Variants in NXNL2 observed in about 807,000 individuals in gnomAD.
NXNL2 encodes nucleoredoxin-like protein 2.
NXNL2 carries 7 observed loss-of-function variants against 11.1 expected under a neutral mutation model. The ratio of observed to expected loss-of-function variants is 0.63; its 90% CI spans 0.36 to 1.18. The LOEUF is 1.18. Among genes scored for constraint, NXNL2 ranks in the 50% most tolerant of loss-of-function variants. NXNL2 has a pLI of 0.02. For synonymous variants in NXNL2, 109 were observed against 101.8 expected, an observed-to-expected ratio of 1.07 and a Z score of -0.42; for missense variants, 233 against 217.7, an observed-to-expected ratio of 1.07 and a Z score of -0.44.
downstream of NXNL2, among the ~76,000 whole-genome samples, chr9:88,549,535 G>A (rs544673183): frequency 6.6e-6 from 1 of 152,324 alleles, no homozygotes; most frequent in Non-Finnish European, 1.5e-5. Flanking sequence ...CTTTCCTTCA[G>A]TGATTTGAAG....
At chr9:88,552,521 G>A (rs1473213990) in intron 1 of NXNL2, among the ~76,000 whole-genome samples, 1 of 145,436 alleles carries the variant, frequency 6.9e-6, no homozygotes, top group Non-Finnish European at 1.5e-5. Flanking sequence ...CACCCAGGCT[G>A]GAGTGCAATG....
In NXNL2 at chr9:88,536,734, C is replaced by T. The variant is rs539361137; in HGVS notation, c.302+998C>T. Among the ~76,000 whole-genome samples, 3 of 152,288 alleles carry T rather than the reference C, an allele frequency of 2.0e-5. No individual in the cohort carries two copies. The South Asian group carries it at 6.2e-4, about 32-fold the overall frequency. On this transcript the variant is annotated intron_variant, in intron 1 of 1. Transcript: ENST00000375854. ...AGATGAGTAATTAATGGGAAGAAAT[C>T]TAATTATTCCCCCAAACATGATTTT...
At chr9:88,556,091 A>G (rs1233198701) in intron 1 of NXNL2, among the ~76,000 whole-genome samples, 1 of 152,206 alleles carries the variant, frequency 6.6e-6, no homozygotes, top group Non-Finnish European at 1.5e-5. Context: ...CGGGTGTTAC[A>G]GTGGGTCACA....
intron 1 of NXNL2, among the ~76,000 whole-genome samples, chr9:88,581,369 A>C (rs1789809685): frequency 6.6e-6 from 1 of 152,178 alleles, no homozygotes; most frequent in African/African-American, 2.4e-5. Flanking sequence ...GACAAAGGCA[A>C]TGCTACCACT....
At chr9:88,541,715 C>T (rs1829765592) in intron 1 of NXNL2, among the ~76,000 whole-genome samples, 1 of 152,072 alleles carries the variant, frequency 6.6e-6, no homozygotes, top group African/African-American at 2.4e-5. Context: ...TGTGTTTGTG[C>T]CATCCTTATT....
At position 88,544,699 on chromosome 9, in the gene NXNL2, T is replaced by G; in HGVS notation, c.*152T>G. 2.8e-6 allele frequency: 4 copies of G among 1,412,854 alleles called. No individual in the cohort carries two copies. The highest frequency in any genetic ancestry group is 3.7e-6 in the Non-Finnish European group (4 of 1,085,764). The allele number at this position is 1,412,854 out of a possible 1,614,324, so 87.5% of individuals were successfully genotyped here. A position where few individuals can be genotyped will look rare whatever the true frequency, so the allele number is the denominator to read the frequency against. On this transcript the variant is annotated 3_prime_UTR_variant, in exon 2 of 2. Coordinates refer to ENST00000375854, the MANE Select transcript of NXNL2 (RefSeq NM_001161625.2). ...TAAGCTGTGGTCAAAAAGCAACTAT[T>G]GCTCAGGAAATAATACACTCCATAT... is the stretch of plus-strand genomic sequence containing the variant.
chr9:88,553,055 T>C (rs1829963369), intron 1 of NXNL2, among the ~76,000 whole-genome samples: 1 of 152,204 alleles, frequency 6.6e-6, no homozygotes, highest in Admixed American at 6.5e-5. Flanking sequence ...TATAATCTAA[T>C]GTCCCATGGG....
At chr9:88,563,481 A>C (rs1232601113) in intron 1 of NXNL2, among the ~76,000 whole-genome samples, 2 of 151,370 alleles carry the variant, frequency 1.3e-5, no homozygotes, top group Non-Finnish European at 2.9e-5. Context: ...GCCCACTCCC[A>C]CCCTCCTTGC....
chr9:88,565,790 G>A (rs1830161769), intron 1 of NXNL2, among the ~76,000 whole-genome samples: 2 of 152,130 alleles, frequency 1.3e-5, no homozygotes, highest in Non-Finnish European at 2.9e-5. Context: ...ACCCACCTTG[G>A]TCTCCCAAAG....
exon 2 of NXNL2, chr9:88,571,170 A>T: frequency 6.0e-6 from 2 of 333,258 alleles, no homozygotes; most frequent in Non-Finnish European, 1.2e-5. Flanking sequence ...GGTTCAAGTG[A>T]TTCTCTAGCC....
chr9:88,583,263 G>A (rs1564079957), intron 1 of NXNL2, among the ~76,000 whole-genome samples: 1 of 152,260 alleles, frequency 6.6e-6, no homozygotes, highest in African/African-American at 2.4e-5. Context: ...GCCCTAATGC[G>A]TGGCATGCTC....
chr9:88,559,512 C>T (rs1382535386), intron 1 of NXNL2, among the ~76,000 whole-genome samples: 1 of 152,154 alleles, frequency 6.6e-6, no homozygotes, highest in Non-Finnish European at 1.5e-5. Context: ...AAAGGGCTTC[C>T]TCGCTACCAA....
chr9:88,540,397 C>T lies in NXNL2; in HGVS notation c.303-3982C>T, dbSNP rs1829728963. Among the ~76,000 whole-genome samples, 3 of 151,908 alleles carry T rather than the reference C, an allele frequency of 2.0e-5. No homozygotes were observed. In the South Asian group the frequency reaches 6.2e-4, roughly 32 times the overall value. On this transcript the variant is annotated intron_variant, in intron 1 of 1. Transcript: ENST00000375854. ...ATGCTAGAGAGGGACATCTCTGCCA[C>T]ATCTTTCATGCTGACTGCTGTGGTT...
chr9:88,556,262 G>C (rs1407288317), intron 1 of NXNL2, among the ~76,000 whole-genome samples: 1 of 152,178 alleles, frequency 6.6e-6, no homozygotes, highest in Admixed American at 6.5e-5. Context: ...ACATGGGGAG[G>C]CCACCTGGCA....
At chr9:88,564,307 A>G (rs974593136) in intron 1 of NXNL2, among the ~76,000 whole-genome samples, 1 of 150,226 alleles carries the variant, frequency 6.7e-6, no homozygotes, top group Non-Finnish European at 1.5e-5. Flanking sequence ...CTATCTATCT[A>G]TCTATCTATC....
At chr9:88,570,182 G>A (rs1830239641) in intron 1 of NXNL2, among the ~76,000 whole-genome samples, 1 of 152,032 alleles carries the variant, frequency 6.6e-6, no homozygotes, top group African/African-American at 2.4e-5. Flanking sequence ...GCAGGGGTGT[G>A]ATCTCAGCCC....
chr9:88,566,321 G>A (rs1830169954), intron 1 of NXNL2, among the ~76,000 whole-genome samples: 2 of 151,214 alleles, frequency 1.3e-5, no homozygotes, highest in Admixed American at 1.3e-4. Context: ...TTGAGATGGA[G>A]TCTTGGTCTG....
chr9:88,540,236 G>A (rs1829722777), intron 1 of NXNL2, among the ~76,000 whole-genome samples: 1 of 151,912 alleles, frequency 6.6e-6, no homozygotes. Flanking sequence ...GGAGGCTGAG[G>A]CAGGAGAATG....
At chr9:88,552,741 T>C (rs1003504285) in intron 1 of NXNL2, among the ~76,000 whole-genome samples, 1 of 152,182 alleles carries the variant, frequency 6.6e-6, no homozygotes, top group African/African-American at 2.4e-5. Flanking sequence ...AGTGCTGGGA[T>C]TACAGGCATG....
Sources: allele counts gnomAD v4.1 joint callset (sites outside exome capture counted in the v4.1 genomes callset), GRCh38; gene constraint gnomAD v4.1.1; transcripts MANE v1.5; gene names NCBI Gene and HGNC (gene_info 2026-07-23, HGNC 2026-07-21).